The following TALDO1 variants were observed in gnomAD, a reference collection of about 807,000 sequenced individuals.
TALDO1 encodes transaldolase 1.
Under a neutral mutation model 38.1 loss-of-function variants are expected in TALDO1, and 29 were observed. That is an observed-to-expected ratio of 0.76 (90% CI 0.57 to 1.04). TALDO1 has a LOEUF of 1.04. Among genes scored for constraint, TALDO1 ranks in the 50% least tolerant of loss-of-function variants. TALDO1 has a pLI of 0.00. For synonymous variants in TALDO1, 207 were observed against 176.8 expected (o/e 1.17, Z -1.36); for missense variants, 499 against 438.1 (o/e 1.14, Z -1.24).
At chr11:747,945 G>A (rs577645206) in intron 1 of TALDO1, among the ~76,000 whole-genome samples, 108 of 152,312 alleles carry the variant, frequency 7.1e-4, no homozygotes, top group South Asian at 1.7e-3. Flanking sequence ...GGGGCACGAA[G>A]CCGGAGCCCC....
intron 1 of TALDO1, among the ~76,000 whole-genome samples, chr11:747,832 G>A (rs1359783214): frequency 1.3e-5 from 2 of 152,180 alleles, no homozygotes; most frequent in Non-Finnish European, 2.9e-5. Context: ...TCGGCCGTGA[G>A]GGAGCAGGGC....
rs1053296357 is a variant in TALDO1 at position 747,547 on chromosome 11, C to T, written c.66C>T (p.Thr22=). 4 of 1,595,380 alleles carry T rather than the reference C, an allele frequency of 2.5e-6. No individual in the cohort carries two copies. Among genetic ancestry groups the T allele is most frequent in the Non-Finnish European group, 3.4e-6 (4 of 1,173,022 alleles). ...CGCTGGACCAGCTCAAGCAGTTCAC[C>T]ACCGTGGTGGCCGACACGGGCGACT... ...ESALDQLKQF[T]TVVADTGDFH... Residue 22 remains threonine (T), a synonymous_variant, in exon 1 of 8, where the codon ACC becomes ACT. Transcript: ENST00000319006.
chr11:751,364 T>C (rs1354342707), intron 1 of TALDO1, among the ~76,000 whole-genome samples: 1 of 152,154 alleles, frequency 6.6e-6, no homozygotes, highest in Non-Finnish European at 1.5e-5. Context: ...CTTCGATCTG[T>C]CCAAAGAACA....
rs1863021793 is a variant in TALDO1, at chr11:764,821, G to A, written c.990G>A (p.Met330Ile). The A allele has an allele frequency of 3.1e-6, 5 of 1,614,068 alleles. No individual in the cohort carries two copies. The highest frequency in any genetic ancestry group is 1.1e-5 in the South Asian group (1 of 91,090). ...GCTCTGTTTGTTTCTAGGAACGAATGTTCAATGCAGAGAATGGAAAGTAGC... is the reference window on the plus strand; with the variant it reads ...GCTCTGTTTGTTTCTAGGAACGAATATTCAATGCAGAGAATGGAAAGTAGC... Reference protein sequence around the residue: ...VKLERMLTERMFNAENGK With the variant: ...VKLERMLTERIFNAENGK The change falls in exon 8 of 8, where the codon ATG (methionine) becomes ATA (isoleucine). Residue 330 changes from methionine (M) to isoleucine (I), a missense_variant. Physicochemically the swap from Met to Ile is conservative, Grantham distance 10. Transcript: ENST00000319006.
At chr11:758,136 T>C (rs1372870774) in intron 2 of TALDO1, among the ~76,000 whole-genome samples, 1 of 152,142 alleles carries the variant, frequency 6.6e-6, no homozygotes, top group Non-Finnish European at 1.5e-5. Flanking sequence ...ACAAAAAAAT[T>C]AGCCGGGCAC....
chr11:761,443 G>A (rs1007677781), intron 4 of TALDO1, among the ~76,000 whole-genome samples: 3 of 151,106 alleles, frequency 2.0e-5, no homozygotes, highest in Admixed American at 6.6e-5. Context: ...TGAGGTTCCA[G>A]TAGCTATGAT....
chr11:756,618 C>T (rs1383072065), intron 2 of TALDO1, among the ~76,000 whole-genome samples: 4 of 150,514 alleles, frequency 2.7e-5, no homozygotes, highest in African/African-American at 4.9e-5. Context: ...CAGATTCAAG[C>T]GATTCTCCTG....
intron 1 of TALDO1, among the ~76,000 whole-genome samples, chr11:749,629 C>G (rs960805023): frequency 9.9e-5 from 15 of 152,164 alleles, no homozygotes; most frequent in African/African-American, 3.4e-4. Context: ...ATGCTCTTCC[C>G]ACAATGTGAT....
Position 763,730 on chromosome 11 carries a change from G to A in TALDO1, c.638-17G>A, listed in dbSNP as rs1351370547. ...CTCTGCCGAAGCCTTCCTGGTCACA[G>A]CTTGGTCTCTTTCCAGGGGTAAAGA... is the stretch of plus-strand genomic sequence containing the variant. On this transcript the variant is annotated splice_polypyrimidine_tract_variant and intron_variant, in intron 5 of 7. Transcript: ENST00000319006. 1.9e-6 allele frequency: 3 copies of A among 1,613,862 alleles called. No homozygotes were observed. The highest frequency in any genetic ancestry group is 2.2e-5 in the South Asian group (2 of 91,086).
At chr11:759,493 G>A (rs780379777) in intron 3 of TALDO1, among the ~76,000 whole-genome samples, 36 of 151,746 alleles carry the variant, frequency 2.4e-4, no homozygotes, top group African/African-American at 8.5e-4. Flanking sequence ...AACTCCTGAC[G>A]TCATGATCCA....
rs374829411 is a variant in TALDO1 at position 749,401 on chromosome 11, C to CAAA, written c.97+1840_97+1842dup. 2.4e-3 allele frequency among the ~76,000 whole-genome samples: 267 copies of CAAA among 110,444 alleles called. 2 individuals are homozygous for CAAA. Among genetic ancestry groups the CAAA allele is most frequent in the East Asian group, 6.5e-3 (24 of 3,710 alleles). The allele number at this position is 110,444 out of a possible 152,430, so 72.5% of individuals were successfully genotyped here. On this transcript the variant is annotated intron_variant, in intron 1 of 7. Coordinates refer to ENST00000319006, the MANE Select transcript of TALDO1 (RefSeq NM_006755.2). ...TGGGCGACAGAGCAAAACTCCGTCT[C>CAAA]AAAAAAAAAAAAAAAAAAATCTTCT...
rs574445037 is a variant in TALDO1, at chr11:760,119, C to T, written c.330-3C>T. 6.6e-5 allele frequency: 106 copies of T among 1,613,836 alleles called. No individual in the cohort carries two copies. Among genetic ancestry groups the T allele is most frequent in the South Asian group, 6.0e-4 (55 of 91,066 alleles). ...AGGGGATGGGTTCTTCTTGCTCCTA[C>T]AGGCTCTCCTTTGATAAAGATGCGA... is the stretch of plus-strand genomic sequence containing the variant. On this transcript the variant is annotated splice_region_variant and splice_polypyrimidine_tract_variant and intron_variant, in intron 3 of 7. Coordinates refer to ENST00000319006, the MANE Select transcript of TALDO1 (RefSeq NM_006755.2).
chr11:747,964 C>T (rs959755318), intron 1 of TALDO1, among the ~76,000 whole-genome samples: 1 of 152,228 alleles, frequency 6.6e-6, no homozygotes, highest in African/African-American at 2.4e-5. Context: ...CCAGCCTCGC[C>T]CTCCGCCCAG....
rs1862821053 is a variant in TALDO1 at position 755,543 on chromosome 11, C to G, written c.98-336C>G. 2.0e-5 allele frequency among the ~76,000 whole-genome samples: 3 copies of G among 152,134 alleles called. 1 individual carries two copies. The highest frequency in any genetic ancestry group is 3.9e-4 in the East Asian group (2 of 5,186). ...TGGCTCATGACTAGACCGCGCGCCT[C>G]CTTGTGGTGGTACGGCAGTGGGATG... On this transcript the variant is annotated intron_variant, in intron 1 of 7. Coordinates refer to ENST00000319006, the MANE Select transcript of TALDO1 (RefSeq NM_006755.2).
chr11:747,645 C>T, intron 1 of TALDO1, 67 bp downstream of exon 1: 2 of 1,371,104 alleles, frequency 1.5e-6, no homozygotes, highest in East Asian at 2.8e-5. Flanking sequence ...CCCGATTTCC[C>T]CGGGTCTCCC....
At chr11:764,150 TC>T in intron 6 of TALDO1, 137 bp from the exon 7 acceptor site, 1 of 1,515,746 alleles carries the variant, frequency 6.6e-7, no homozygotes, top group Non-Finnish European at 9.1e-7. Flanking sequence ...GAACCCCACT[TC>T]CAGCGTGAGC....
rs72844779 is a variant in TALDO1 at position 764,925 on chromosome 11, C to A, written c.*80C>A. ...TGCACGTGGCTTCTGATGAATCTTG[C>A]GTTTTTTACAAATTGGAGCAGGGAC... On this transcript the variant is annotated 3_prime_UTR_variant, in exon 8 of 8. Transcript: ENST00000319006. 11 of 1,590,514 alleles carry A rather than the reference C, an allele frequency of 6.9e-6. No homozygotes were observed. The South Asian group carries it at 8.8e-5, about 13-fold the overall frequency.
intron 4 of TALDO1, among the ~76,000 whole-genome samples, chr11:761,295 C>T (rs944417033): frequency 1.4e-5 from 2 of 145,340 alleles, no homozygotes; most frequent in Admixed American, 1.4e-4. Context: ...GAGATTGCAC[C>T]ATTGTACTCC....
intron 3 of TALDO1, 112 bp downstream of exon 3, chr11:759,169 G>C: frequency 1.1e-6 from 1 of 908,212 alleles, no homozygotes; most frequent in Non-Finnish European, 1.8e-6. Context: ...CATCCCAAGG[G>C]CCCAAGAGGA....
Sources: gnomAD v4.1 joint callset for allele counts (sites outside exome capture counted in the v4.1 genomes callset) on GRCh38, gnomAD v4.1.1 for gene constraint, MANE v1.5 for transcripts, NCBI Gene and HGNC (gene_info 2026-07-23, HGNC 2026-07-21) for gene names.